Variants in RPS6KA2 observed in about 807,000 individuals in gnomAD.
RPS6KA2 encodes ribosomal protein S6 kinase alpha-2.
Under a neutral mutation model 91.8 loss-of-function variants are expected in RPS6KA2, and 42 were observed. That is an observed-to-expected ratio of 0.46 (90% CI 0.36 to 0.59). The LOEUF is 0.59. Ranked by LOEUF, RPS6KA2 falls within the 20% of genes least tolerant of loss-of-function variation. RPS6KA2 has a pLI of 0.00. For synonymous variants in RPS6KA2, 414 were observed against 393.6 expected (o/e 1.05, Z -0.61); for missense variants, 798 against 978.5 (o/e 0.82, Z 2.46).
At chr6:166,455,188 A>C (rs899683531) in intron 12 of RPS6KA2, among the ~76,000 whole-genome samples, 1 of 152,058 alleles carries the variant, frequency 6.6e-6, no homozygotes, top group Non-Finnish European at 1.5e-5. Context: ...TTTTATCTCC[A>C]CACGGTGCGG....
chr6:166,522,601 C>G (rs545545163), intron 3 of RPS6KA2, among the ~76,000 whole-genome samples: 1 of 152,218 alleles, frequency 6.6e-6, no homozygotes, highest in Non-Finnish European at 1.5e-5. Flanking sequence ...CGGTCTCCCC[C>G]ACTGCGCGGC....
rs369157963 is a variant in RPS6KA2, at chr6:166,617,310, T to A, written c.99+9611A>T. Among the ~76,000 whole-genome samples, 366 of 152,352 alleles carry A rather than the reference T, an allele frequency of 2.4e-3. 1 individual carries two copies. The highest frequency in any genetic ancestry group is 8.2e-3 in the African/African-American group (340 of 41,588). ...AATACATGTGGAAATCTGTGCATTT[T>A]AAAAAATGTTGATAGTTTCTCAATC... On this transcript the variant is annotated intron_variant, in intron 1 of 20. Transcript: ENST00000265678.
chr6:166,541,340 C>A (rs563356468), intron 1 of RPS6KA2, among the ~76,000 whole-genome samples: 2 of 152,354 alleles, frequency 1.3e-5, no homozygotes, highest in Non-Finnish European at 2.9e-5. Flanking sequence ...CGTTTCCCAG[C>A]CCTTGTGTAT....
chr6:166,430,334 A>G, intron 16 of RPS6KA2, 119 bp downstream of exon 16: 1 of 907,592 alleles, frequency 1.1e-6, no homozygotes, highest in South Asian at 1.7e-5. Context: ...CGATGGTGGC[A>G]CGGAAGGAAT....
At chr6:166,634,112 G>A (rs920837161) in intron 2 of RPS6KA2, among the ~76,000 whole-genome samples, 36 of 152,234 alleles carry the variant, frequency 2.4e-4, no homozygotes, top group African/African-American at 8.4e-4. Context: ...CCACTGAAAC[G>A]TGAAGCCAAG....
At chr6:166,605,587 T>C (rs1785925317) in intron 1 of RPS6KA2, among the ~76,000 whole-genome samples, 1 of 152,186 alleles carries the variant, frequency 6.6e-6, no homozygotes. Flanking sequence ...GCATGTAGAA[T>C]GATTAGCATG....
chr6:166,841,732 C>T (rs767846026), intron 2 of RPS6KA2, among the ~76,000 whole-genome samples: 8 of 152,226 alleles, frequency 5.3e-5, no homozygotes, highest in African/African-American at 1.2e-4. Context: ...GTAATGGGAC[C>T]TGTGTTTCAT....
rs570531415 is a variant in RPS6KA2, at chr6:166,444,536, G to C, written c.1332+4188C>G. Reference sequence around the variant, plus strand: ...ATAAAAGGAAGAGGAAGCGCTGAGGGAACATAATAGCTTTTCTCATTCAAC... The same window carrying C: ...ATAAAAGGAAGAGGAAGCGCTGAGGCAACATAATAGCTTTTCTCATTCAAC... On this transcript the variant is annotated intron_variant, in intron 14 of 20. Transcript: ENST00000265678. Among the ~76,000 whole-genome samples, 3 of 152,360 alleles carry C rather than the reference G, an allele frequency of 2.0e-5. No homozygotes were observed. In the East Asian group the frequency reaches 5.8e-4, roughly 29 times the overall value.
rs1366235494 is a variant in RPS6KA2, at chr6:166,824,689, GTGTGTC to G, written c.123+33505_123+33510del. On this transcript the variant is annotated intron_variant, in intron 2 of 21. Coordinates refer to the RPS6KA2 transcript ENST00000503859. ...TATGTGTGTGTCTGTGTGTCTACAT[GTGTGTC>G]TGTGTCTGTGTGTGTGTGTCTGTGT... 1.1e-4 allele frequency among the ~76,000 whole-genome samples: 17 copies of G among 147,972 alleles called. No homozygotes were observed. The South Asian group carries it at 2.6e-3, about 23-fold the overall frequency.
At chr6:166,504,061 C>T (rs1384269978) in intron 6 of RPS6KA2, among the ~76,000 whole-genome samples, 1 of 152,168 alleles carries the variant, frequency 6.6e-6, no homozygotes, top group Non-Finnish European at 1.5e-5. Flanking sequence ...AAAGGGCTTC[C>T]TGAATCTGGA....
chr6:166,703,082 C>T (rs1789574461), intron 2 of RPS6KA2, among the ~76,000 whole-genome samples: 2 of 152,210 alleles, frequency 1.3e-5, no homozygotes, highest in South Asian at 4.1e-4. Flanking sequence ...CGAAACGCAT[C>T]CACCAGGCTT....
chr6:166,702,937 T>C, intron 2 of RPS6KA2: 1 of 614,444 alleles, frequency 1.6e-6, no homozygotes, highest in Non-Finnish European at 2.9e-6. Context: ...TCCCCTCGTC[T>C]TCTCGCCTTT....
In RPS6KA2 at chr6:166,424,769, C is replaced by T. The variant is rs563152744; in HGVS notation, c.1582-1352G>A. On this transcript the variant is annotated intron_variant, in intron 16 of 20. Transcript: ENST00000265678. ...GGCATCACCGTCATCCCTGCCTCAG[C>T]GTCCCTGCGCTCCGGTTAATGAATT... Among the ~76,000 whole-genome samples, 247 of 152,326 alleles carry T rather than the reference C, an allele frequency of 1.6e-3. 1 individual carries two copies. Among genetic ancestry groups the T allele is most frequent in the Non-Finnish European group, 2.6e-3 (178 of 68,026 alleles).
intron 1 of RPS6KA2, among the ~76,000 whole-genome samples, chr6:166,608,016 A>G (rs1425936940): frequency 9.0e-6 from 1 of 111,578 alleles, no homozygotes; most frequent in Non-Finnish European, 1.9e-5. Context: ...TCTCAGAAAG[A>G]AAAAAAAAAA....
intron 1 of RPS6KA2, among the ~76,000 whole-genome samples, chr6:166,602,893 T>G (rs1354097588): frequency 2.6e-5 from 4 of 152,202 alleles, no homozygotes; most frequent in African/African-American, 7.2e-5. Context: ...TAAGACAAAT[T>G]TGAAAAGGGC....
Position 166,430,679 on chromosome 6 carries a change from G to A in RPS6KA2, c.1423-68C>T, listed in dbSNP as rs1779096888. On this transcript the variant is annotated intron_variant, in intron 15 of 20. Transcript: ENST00000265678. ...GCTGTGAAAGAGCAACTACTCCAGA[G>A]GGGACAGGAGAGGGAAGTCAGAGGG... 5 of 1,505,760 alleles carry A rather than the reference G, an allele frequency of 3.3e-6. No individual in the cohort carries two copies. The Admixed American group carries it at 5.9e-5, about 18-fold the overall frequency. 93.3% of individuals were successfully genotyped at this position (1,505,760 alleles called of 1,614,324 possible). A position where few individuals can be genotyped will look rare whatever the true frequency, so the allele number is the denominator to read the frequency against.
At position 166,593,223 on chromosome 6, in the gene RPS6KA2, C is replaced by A. The variant is rs142913652; in HGVS notation, c.99+33698G>T. On this transcript the variant is annotated intron_variant, in intron 1 of 20. Coordinates refer to ENST00000265678, the MANE Select transcript of RPS6KA2 (RefSeq NM_021135.6). ...ATTCTAAGCGTTTGGAAGAAAAATTCTTTATAGGTAATACCAGAGCTAAAA... is the reference window on the plus strand; with the variant it reads ...ATTCTAAGCGTTTGGAAGAAAAATTATTTATAGGTAATACCAGAGCTAAAA... 4.7e-4 allele frequency among the ~76,000 whole-genome samples: 71 copies of A among 152,186 alleles called. No homozygotes were observed. In the East Asian group the frequency reaches 0.013, roughly 27 times the overall value.
At chr6:166,531,513 T>C (rs1299598312) in intron 2 of RPS6KA2, among the ~76,000 whole-genome samples, 200 bp from the exon 3 acceptor site, 1 of 152,214 alleles carries the variant, frequency 6.6e-6, no homozygotes, top group East Asian at 1.9e-4. Flanking sequence ...CGAACATCAC[T>C]ATGTGCCTGT....
intron 2 of RPS6KA2, among the ~76,000 whole-genome samples, chr6:166,766,993 C>T (rs866511194): frequency 3.3e-5 from 5 of 152,206 alleles, no homozygotes; most frequent in African/African-American, 7.2e-5. Flanking sequence ...GAATGTGCCT[C>T]CCCACCCCCG....
Sources: allele counts gnomAD v4.1 joint callset (sites outside exome capture counted in the v4.1 genomes callset), GRCh38; gene constraint gnomAD v4.1.1; transcripts MANE v1.5; gene names NCBI Gene and HGNC (gene_info 2026-07-23, HGNC 2026-07-21).